The following NSD2 variants were observed in gnomAD, a reference collection of about 807,000 sequenced individuals.
NSD2 encodes the protein histone-lysine N-methyltransferase NSD2.
NSD2 carries 12 observed loss-of-function variants against 139.0 expected under a neutral mutation model. The ratio of observed to expected loss-of-function variants is 0.09; its 90% confidence interval spans 0.06 to 0.14. The LOEUF (loss-of-function observed/expected upper bound fraction) is 0.14, where lower values mean the gene tolerates loss of function less well. Among genes scored for constraint, NSD2 ranks in the 10% least tolerant of loss-of-function variants. The pLI, the probability that NSD2 is intolerant of heterozygous loss-of-function variation, is 1.00. For synonymous variants in NSD2, 669 were observed against 648.7 expected (o/e 1.03, Z -0.48); for missense variants, 1,155 against 1,745.0 (o/e 0.66, Z 6.02).
intron 9 of NSD2, chr4:1,940,136 G>A (rs950735037): frequency 8.8e-6 from 10 of 1,142,678 alleles, no homozygotes; most frequent in Middle Eastern, 7.4e-4. Flanking sequence ...GGTTCTGAAA[G>A]GGCACAGTGT....
chr4:1,890,854 C>T (rs1284999198), intron 1 of NSD2, among the ~76,000 whole-genome samples: 3 of 152,064 alleles, frequency 2.0e-5, no homozygotes, highest in African/African-American at 7.2e-5. Flanking sequence ...GCCTCAGCCT[C>T]CCAAAGTGCT....
chr4:1,939,637 C>T lies in NSD2; in HGVS notation c.1757-17C>T. On this transcript the variant is annotated splice_polypyrimidine_tract_variant and intron_variant, in intron 8 of 21. Transcript: ENST00000508803. ...GGTTTATGATTTGAAACTTTACAAACCAAAATTATTTTACAGCAACGAAAA... is the reference window on the plus strand; with the variant it reads ...GGTTTATGATTTGAAACTTTACAAATCAAAATTATTTTACAGCAACGAAAA... 1 of 1,613,482 alleles carries T rather than the reference C, an allele frequency of 6.2e-7. No individual in the cohort carries two copies.
intron 1 of NSD2, among the ~76,000 whole-genome samples, chr4:1,896,168 C>T (rs1432695250): frequency 6.6e-6 from 1 of 152,238 alleles, no homozygotes; most frequent in African/African-American, 2.4e-5. Flanking sequence ...TCACGGCAGC[C>T]AGCTGCTCGC....
chr4:1,878,254 T>TTA (rs1714441416), intron 1 of NSD2, among the ~76,000 whole-genome samples: 1 of 59,842 alleles, frequency 1.7e-5, no homozygotes, highest in Admixed American at 2.0e-4. Context: ...TATATATATT[T>TTA]TTTTTTTTTT....
chr4:1,938,547 G>GC lies in NSD2; in HGVS notation c.1756+18dup, dbSNP rs1560707876. ...GAGCCAGGCAGGTAATGTGGTCAGC[G>GC]CCCTTTCCTTCTTGGCTTCTGGGTG... is the stretch of plus-strand genomic sequence containing the variant. On this transcript the variant is annotated intron_variant, in intron 8 of 21. Transcript: ENST00000508803. 6.6e-7 allele frequency: 1 copy of GC among 1,525,130 alleles called. No individual in the cohort carries two copies. The highest frequency in any genetic ancestry group is 8.9e-7 in the Non-Finnish European group (1 of 1,126,324). 94.5% of individuals were successfully genotyped at this position (1,525,130 alleles called of 1,614,324 possible).
chr4:1,877,159 T>G (rs973617089), intron 1 of NSD2, among the ~76,000 whole-genome samples: 2 of 152,114 alleles, frequency 1.3e-5, no homozygotes, highest in Non-Finnish European at 2.9e-5. Context: ...AAAATTGTTA[T>G]GCTTTTAGAG....
In NSD2 at chr4:1,955,822, T is replaced by C. The variant is rs762245596; in HGVS notation, c.2648T>C (p.Ile883Thr). ...GGGAAGAAGCTGCACTTCCAGGATATCATTTGGGTGAAACTTGGGAACTAC... is the reference window on the plus strand; with the variant it reads ...GGGAAGAAGCTGCACTTCCAGGATACCATTTGGGTGAAACTTGGGAACTAC... ...RAGKKLHFQDIIWVKLGNYRW... is the reference protein window; with the variant it reads ...RAGKKLHFQDTIWVKLGNYRW... Residue 883 changes from isoleucine to threonine, a missense_variant, in exon 14 of 22, where the codon ATC (isoleucine) becomes ACC (threonine). By Grantham distance (89) the Ile-to-Thr change is moderately conservative. Transcript: ENST00000508803. This position sits in a 1 kb window ranked among gnomAD's most constrained non-coding sequence, Gnocchi z 4.7. 6.2e-7 allele frequency: 1 copy of C among 1,614,188 alleles called. No individual in the cohort carries two copies. Among genetic ancestry groups the C allele is most frequent in the Admixed American group, 1.7e-5 (1 of 60,030 alleles).
intron 9 of NSD2, chr4:1,945,143 G>C: frequency 2.8e-6 from 3 of 1,061,674 alleles, no homozygotes; most frequent in Non-Finnish European, 3.4e-6. Context: ...AGGGAGATCT[G>C]ATTTTGTGTT....
chr4:1,879,824 T>TTGTGTGTGTGTGTGTG (rs140755867), intron 1 of NSD2, among the ~76,000 whole-genome samples: 13 of 144,158 alleles, frequency 9.0e-5, no homozygotes, highest in African/African-American at 3.3e-4. Flanking sequence ...CCCATGGCAC[T>TTGTGTGTGTGTGTGTG]TGTGTGTGTG....
At position 1,955,968 on chromosome 4, in the gene NSD2, T is replaced by C; in HGVS notation, c.2676-15T>C. On this transcript the variant is annotated splice_polypyrimidine_tract_variant and intron_variant, in intron 14 of 21. Transcript: ENST00000508803. The surrounding 1 kb of genome is among the most constrained non-coding windows in gnomAD (Gnocchi z 4.7). The stretch of plus-strand genomic sequence containing the variant: ...CTGAGGAGTCTGTGAATCCTGTTTT[T>C]AATATTTATAATAGATGGTGGCCGG... The C allele has an allele frequency of 1.2e-6, 2 of 1,613,516 alleles. No individual in the cohort carries two copies. The highest frequency in any genetic ancestry group is 2.2e-5 in the South Asian group (2 of 90,996).
intron 1 of NSD2, among the ~76,000 whole-genome samples, 179 bp from the exon 2 acceptor site, chr4:1,900,446 AT>A (rs1716999514): frequency 6.6e-6 from 1 of 151,986 alleles, no homozygotes; most frequent in Admixed American, 6.6e-5. Flanking sequence ...TCATTTTGTG[AT>A]TCCGTGTAAT....
At chr4:1,917,530 G>A (rs1220726450) in intron 4 of NSD2, among the ~76,000 whole-genome samples, 4 of 152,030 alleles carry the variant, frequency 2.6e-5, no homozygotes, top group South Asian at 2.1e-4. Context: ...CTGCCCCTCC[G>A]GGTTCAAGCG....
At chr4:1,959,337 T>C in intron 16 of NSD2, 134 bp from the exon 17 acceptor site, 5 of 951,488 alleles carry the variant, frequency 5.3e-6, no homozygotes, top group Non-Finnish European at 7.9e-6. Flanking sequence ...TTCTGAGTAG[T>C]GTGTCCTAGC....
intron 18 of NSD2, among the ~76,000 whole-genome samples, chr4:1,970,308 C>G (rs1290716392): frequency 6.6e-6 from 1 of 152,220 alleles, no homozygotes; most frequent in Non-Finnish European, 1.5e-5. Flanking sequence ...GTGCTCGGGA[C>G]AGGGTGGGCT....
Position 1,916,902 on chromosome 4 carries a change from A to G in NSD2, c.792A>G (p.Val264=). Residue 264 remains valine, a synonymous_variant, in exon 4 of 22, where the codon GTA becomes GTG. Transcript: ENST00000508803. ...GQKKSARQYH[V]QFFGDAPERA... is the part of the protein sequence containing the mutation. ...AAAAGAGTGCACGCCAGTATCACGTACAGTTCTTTGGTGACGCCCCAGAAA... is the reference window on the plus strand; with the variant it reads ...AAAAGAGTGCACGCCAGTATCACGTGCAGTTCTTTGGTGACGCCCCAGAAA... The G allele has an allele frequency of 6.2e-7, 1 of 1,614,038 alleles. No homozygotes were observed. The highest frequency in any genetic ancestry group is 8.5e-7 in the Non-Finnish European group (1 of 1,179,966).
chr4:1,944,858 C>A (rs951553947), intron 9 of NSD2: 2 of 1,063,280 alleles, frequency 1.9e-6, no homozygotes, highest in Non-Finnish European at 2.3e-6. Context: ...GGTGTAGTTA[C>A]ATCTCAGTGC....
chr4:1,890,357 G>A (rs1715435945), intron 1 of NSD2, among the ~76,000 whole-genome samples: 1 of 151,740 alleles, frequency 6.6e-6, no homozygotes, highest in Non-Finnish European at 1.5e-5. Flanking sequence ...GGAGTGCAGT[G>A]GCATGATCTC....
rs749123768 is a variant in NSD2, at chr4:1,875,280, CTTT to C, written c.-30+3755_-30+3757del. ...GGCCAAGTTGCAGTATAGCTTTTTA[CTTT>C]TTTTTTTTTTTTTTTTGGGACAGGG... is the stretch of plus-strand genomic sequence containing the variant. On this transcript the variant is annotated intron_variant, in intron 1 of 21. Transcript: ENST00000508803. Among the ~76,000 whole-genome samples, 815 of 126,542 alleles carry C rather than the reference CTTT, an allele frequency of 6.4e-3. 7 individuals are homozygous for C. Among genetic ancestry groups the C allele is most frequent in the African/African-American group, 0.022 (756 of 34,538 alleles). 83.0% of individuals were successfully genotyped at this position (126,542 alleles called of 152,430 possible). A position where few individuals can be genotyped will look rare whatever the true frequency, so the allele number is the denominator to read the frequency against.
At chr4:1,880,995 T>C (rs1404258533) in intron 1 of NSD2, among the ~76,000 whole-genome samples, 1 of 152,218 alleles carries the variant, frequency 6.6e-6, no homozygotes, top group Admixed American at 6.5e-5. Context: ...TCCTCCCTTT[T>C]AGAGGTGCAT....
Sources: gnomAD v4.1 joint callset for allele counts (sites outside exome capture counted in the v4.1 genomes callset) on GRCh38, gnomAD v4.1.1 for gene constraint, Gnocchi (gnomAD v3.1) non-coding constraint, MANE v1.5 for transcripts, NCBI Gene and HGNC (gene_info 2026-07-23, HGNC 2026-07-21) for gene names.